Variants in DTNB observed in about 807,000 individuals in gnomAD.
The protein encoded by DTNB is DTN-B.
A neutral mutation model predicts 90.7 loss-of-function variants in DTNB; 63 were observed. That is an observed-to-expected ratio of 0.69 (90% CI 0.57 to 0.86). The LOEUF is 0.86. DTNB is among the 40% of genes least tolerant of loss of function. The pLI, the probability that DTNB is intolerant of heterozygous loss-of-function variation, is 0.00. For missense variants in DTNB, 744 were observed against 807.1 expected (o/e 0.92, Z 0.95); for synonymous variants, 277 against 286.7 (o/e 0.97, Z 0.34).
At chr2:25,609,388 C>T (rs1198177684) in intron 4 of DTNB, among the ~76,000 whole-genome samples, 1 of 152,042 alleles carries the variant, frequency 6.6e-6, no homozygotes, top group African/African-American at 2.4e-5. Context: ...CACCTGAGGT[C>T]GGGAGTTCAA....
At chr2:25,527,309 G>T (rs528937081) in intron 9 of DTNB, among the ~76,000 whole-genome samples, 3 of 152,266 alleles carry the variant, frequency 2.0e-5, no homozygotes, top group Admixed American at 2.0e-4. Context: ...TGGATCAAGA[G>T]GTCAAGAGAT....
At chr2:25,406,707 C>A (rs2045289891) in intron 16 of DTNB, among the ~76,000 whole-genome samples, 2 of 152,106 alleles carry the variant, frequency 1.3e-5, no homozygotes, top group Non-Finnish European at 2.9e-5. Context: ...AGAAGGATGG[C>A]TGAGGGTGAC....
chr2:25,633,894 C>T (rs2076387130), intron 3 of DTNB, among the ~76,000 whole-genome samples: 1 of 151,934 alleles, frequency 6.6e-6, no homozygotes, highest in African/African-American at 2.4e-5. Context: ...AGCGTCTCTG[C>T]CCGGCCGCAC....
chr2:25,433,132 A>G (rs752934373), intron 13 of DTNB, 133 bp from the exon 14 acceptor site: 68 of 837,202 alleles, frequency 8.1e-5, no homozygotes, highest in Non-Finnish European at 1.2e-4. Context: ...CAAATGGCCA[A>G]GAGGTGAAAT....
chr2:25,435,909 C>T (rs950744888), intron 12 of DTNB, among the ~76,000 whole-genome samples: 4 of 152,208 alleles, frequency 2.6e-5, no homozygotes, highest in Admixed American at 6.5e-5. Context: ...TAAGGCAATT[C>T]GTATTTCCCC....
Position 25,584,343 on chromosome 2 carries a change from A to C in DTNB, c.604-3517T>G, listed in dbSNP as rs138751286. 3.6e-4 allele frequency among the ~76,000 whole-genome samples: 55 copies of C among 152,316 alleles called. 1 individual carries two copies. In the East Asian group the frequency reaches 7.7e-3, roughly 21 times the overall value. ...TCTTCCAAATTTTAACCAAAAGAGC[A>C]TATCACAACAGATTGAATGGATAAG... On this transcript the variant is annotated intron_variant, in intron 6 of 20. Transcript: ENST00000406818.
chr2:25,421,155 C>A (rs1574158200), intron 15 of DTNB: 3 of 152,248 alleles, frequency 2.0e-5, no homozygotes. Flanking sequence ...TGCTCCCACA[C>A]AGTCTACAGA....
At chr2:25,647,183 AG>A (rs748188786) in intron 2 of DTNB, among the ~76,000 whole-genome samples, 16 of 152,370 alleles carry the variant, frequency 1.1e-4, no homozygotes, top group Non-Finnish European at 1.5e-4. Flanking sequence ...TACTAGAAAA[AG>A]AGGGTAACTA....
At position 25,596,184 on chromosome 2, in the gene DTNB, G is replaced by A; in HGVS notation, c.505C>T (p.Gln169Ter). 1 of 1,613,184 alleles carries A rather than the reference G, an allele frequency of 6.2e-7. No individual in the cohort carries two copies. The highest frequency in any genetic ancestry group is 8.5e-7 in the Non-Finnish European group (1 of 1,179,582). ...NGLMIFSKFD[Q>*]FLKEVLKLPT... Reference sequence around the variant, plus strand: ...AGCTTCAGAACTTCCTTCAGAAACTGGTCAAACTTGCTAAATATCATTAAG... The same window carrying A: ...AGCTTCAGAACTTCCTTCAGAAACTAGTCAAACTTGCTAAATATCATTAAG... The change falls in exon 6 of 21, where the codon CAG becomes TAG. Residue 169 changes from glutamine to a stop codon, truncating the protein, a stop_gained. Coordinates refer to ENST00000406818, the MANE Select transcript of DTNB (RefSeq NM_021907.5). LOFTEE classifies it high-confidence loss of function.
intron 9 of DTNB, among the ~76,000 whole-genome samples, chr2:25,511,194 A>AAAG (rs2073864903): frequency 6.6e-6 from 1 of 152,194 alleles, no homozygotes; most frequent in Non-Finnish European, 1.5e-5. Flanking sequence ...TGGAAACACA[A>AAAG]AAGATTTTCT....
At chr2:25,473,706 C>G (rs1421763750) in intron 10 of DTNB, among the ~76,000 whole-genome samples, 1 of 152,188 alleles carries the variant, frequency 6.6e-6, no homozygotes, top group Non-Finnish European at 1.5e-5. Context: ...GGTTCCCAAC[C>G]TTGTTCTTCT....
intron 4 of DTNB, among the ~76,000 whole-genome samples, chr2:25,627,736 CTTT>C (rs569673438): frequency 6.6e-5 from 9 of 136,052 alleles, no homozygotes; most frequent in Admixed American, 1.5e-4. Flanking sequence ...AATAATTTTC[CTTT>C]TTTTTTTTTT....
At chr2:25,615,753 T>G (rs1165779916) in intron 4 of DTNB, among the ~76,000 whole-genome samples, 1 of 152,208 alleles carries the variant, frequency 6.6e-6, no homozygotes, top group African/African-American at 2.4e-5. Flanking sequence ...TTTCTTATTA[T>G]TTCGCAAATC....
intron 12 of DTNB, among the ~76,000 whole-genome samples, chr2:25,444,351 A>G (rs776436799): frequency 6.6e-6 from 1 of 152,006 alleles, no homozygotes; most frequent in Non-Finnish European, 1.5e-5. Flanking sequence ...CAACATGGTG[A>G]AACCCTGTCT....
intron 8 of DTNB, among the ~76,000 whole-genome samples, chr2:25,539,857 ATTTAAATCTGAATCTACT>A (rs1249513166): frequency 6.6e-6 from 1 of 152,130 alleles, no homozygotes; most frequent in Non-Finnish European, 1.5e-5. Flanking sequence ...CACTTTTCAT[ATTTAAATCTGAATCTACT>A]TAGAAATAAT....
At chr2:25,645,621 T>C (rs1158607499) in intron 2 of DTNB, among the ~76,000 whole-genome samples, 1 of 151,888 alleles carries the variant, frequency 6.6e-6, no homozygotes, top group Non-Finnish European at 1.5e-5. Flanking sequence ...TTTGTATTTT[T>C]CTAGAGACAA....
chr2:25,489,875 T>G (rs1177314048), intron 9 of DTNB, among the ~76,000 whole-genome samples: 1 of 152,094 alleles, frequency 6.6e-6, no homozygotes, highest in Admixed American at 6.5e-5. Context: ...ACATAAAGGA[T>G]TCACACAAAC....
chr2:25,495,793 A>T (rs560499701), intron 9 of DTNB, among the ~76,000 whole-genome samples: 1 of 152,348 alleles, frequency 6.6e-6, no homozygotes, highest in Non-Finnish European at 1.5e-5. Context: ...CTGGTACTGT[A>T]AGTGTAGCAT....
At chr2:25,495,364 C>G (rs1042627306) in intron 9 of DTNB, among the ~76,000 whole-genome samples, 73 of 152,278 alleles carry the variant, frequency 4.8e-4, no homozygotes, top group African/African-American at 1.7e-3. Context: ...TTGTGCCCAG[C>G]CTTCTCTCTC....
Sources: allele counts gnomAD v4.1 joint callset (sites outside exome capture counted in the v4.1 genomes callset), GRCh38; gene constraint gnomAD v4.1.1; transcripts MANE v1.5; gene names NCBI Gene and HGNC (gene_info 2026-07-23, HGNC 2026-07-21).